Variants in RORA observed in about 807,000 individuals in gnomAD.
The protein encoded by RORA is nuclear receptor ROR-alpha.
Under a neutral mutation model 69.5 loss-of-function variants are expected in RORA, and 7 were observed. That is an observed-to-expected ratio of 0.10 (90% CI 0.06 to 0.19). The LOEUF is 0.19. Among genes scored for constraint, RORA ranks in the 10% least tolerant of loss-of-function variants. The pLI, the probability that RORA is intolerant of heterozygous loss-of-function variation, is 1.00. For missense variants in RORA, 457 were observed against 663.0 expected (o/e 0.69, Z 3.41); for synonymous variants, 261 against 240.8 (o/e 1.08, Z -0.78).
At chr15:60,769,347 G>A (rs2072038306) in intron 1 of RORA, among the ~76,000 whole-genome samples, 1 of 152,074 alleles carries the variant, frequency 6.6e-6, no homozygotes, top group South Asian at 2.1e-4. Flanking sequence ...TATTCACCAG[G>A]GTTAGGTGCT....
intron 7 of RORA, 86 bp downstream of exon 7, chr15:60,503,449 G>C (rs552620573): frequency 7.2e-7 from 1 of 1,395,686 alleles, no homozygotes; most frequent in Non-Finnish European, 9.9e-7. Flanking sequence ...AACTGTTCCC[G>C]ACACCTTCCT....
At chr15:60,811,407 C>T (rs1434593388) in intron 1 of RORA, among the ~76,000 whole-genome samples, 2 of 152,202 alleles carry the variant, frequency 1.3e-5, no homozygotes, top group African/African-American at 4.8e-5. Flanking sequence ...ATTCCATCTG[C>T]TTTCCAGCTC....
At chr15:61,162,994 C>T (rs888747330) in intron 1 of RORA, among the ~76,000 whole-genome samples, 1 of 152,110 alleles carries the variant, frequency 6.6e-6, no homozygotes, top group African/African-American at 2.4e-5. Context: ...GGTGCAAGGA[C>T]CTGATTTATG....
Position 60,634,448 on chromosome 15 carries a change from A to G in RORA, c.196+44209T>C, listed in dbSNP as rs939006483. On this transcript the variant is annotated intron_variant, in intron 2 of 10. Transcript: ENST00000335670. ...TGAGCCAGAGTCTCGCTCTGTTGCC[A>G]GGCTGGAGCACTGAGACACAATCTC... Among the ~76,000 whole-genome samples the G allele has an allele frequency of 2.0e-5, 3 of 148,512 alleles. No homozygotes were observed. In the Admixed American group the frequency reaches 2.0e-4, roughly 10 times the overall value.
intron 1 of RORA, among the ~76,000 whole-genome samples, chr15:61,127,722 C>T (rs573164550): frequency 6.6e-6 from 1 of 152,246 alleles, no homozygotes; most frequent in South Asian, 2.1e-4. Context: ...AGAACTCAGG[C>T]TTCCAATATT....
chr15:60,909,078 A>G (rs1891626742), intron 1 of RORA, among the ~76,000 whole-genome samples: 1 of 152,156 alleles, frequency 6.6e-6, no homozygotes, highest in South Asian at 2.1e-4. Flanking sequence ...TGTCCTGGAA[A>G]GCCACCTGAA....
chr15:60,829,782 T>C (rs980018823), intron 1 of RORA, among the ~76,000 whole-genome samples: 2 of 152,224 alleles, frequency 1.3e-5, no homozygotes, highest in African/African-American at 2.4e-5. Flanking sequence ...TGGCTTCCGT[T>C]CATTGGTAAA....
intron 1 of RORA, among the ~76,000 whole-genome samples, chr15:61,104,223 T>A (rs957453386): frequency 1.3e-5 from 2 of 152,200 alleles, no homozygotes; most frequent in Non-Finnish European, 2.9e-5. Flanking sequence ...TCAAAGCACC[T>A]TCACGCTATG....
intron 2 of RORA, among the ~76,000 whole-genome samples, chr15:60,559,731 C>T (rs538672876): frequency 4.6e-5 from 7 of 152,330 alleles, no homozygotes; most frequent in East Asian, 3.9e-4. Context: ...ATTTGCATTA[C>T]GGCTTGATAA....
chr15:61,076,117 G>A lies in RORA; in HGVS notation c.166+152936C>T, dbSNP rs74020838. On this transcript the variant is annotated intron_variant, in intron 1 of 10. Coordinates refer to ENST00000335670, the MANE Select transcript of RORA (RefSeq NM_134261.3). ...TGTGGAGGGGTTCAAGGACCTGCAG[G>A]GATGCAGACCCGTGATTCTCTGACA... 3.0e-3 allele frequency among the ~76,000 whole-genome samples: 456 copies of A among 152,286 alleles called. 2 individuals are homozygous for A. Among genetic ancestry groups the A allele is most frequent in the African/African-American group, 0.01 (433 of 41,574 alleles).
At chr15:60,611,589 A>AAAAAAAAAAAAAAAAAAAAAAGG (rs2069091475) in intron 2 of RORA, among the ~76,000 whole-genome samples, 1 of 146,392 alleles carries the variant, frequency 6.8e-6, no homozygotes, top group Non-Finnish European at 1.5e-5. Context: ...AAAAAAAAAA[A>AAAAAAAAAAAAAAAAAAAAAAGG]GGTGGAGTCT....
chr15:60,811,765 T>A (rs562543114), intron 1 of RORA, among the ~76,000 whole-genome samples: 29 of 152,268 alleles, frequency 1.9e-4, no homozygotes, highest in African/African-American at 5.5e-4. Context: ...TCCTGCCCAA[T>A]GGATTTATAA....
rs773735927 is a variant in RORA, at chr15:60,497,477, G to T, written c.1550C>A (p.Pro517Gln). Residue 517 changes from proline to glutamine, a missense_variant, in exon 11 of 11, where the codon CCA (proline) becomes CAA (glutamine). Pro to Gln is a moderately conservative substitution (Grantham distance 76). Transcript: ENST00000335670. ...YKELFTSEFEPAMQIDG is the reference protein window; with the variant it reads ...YKELFTSEFEQAMQIDG Reference sequence around the variant, plus strand: ...CATTTACCCATCAATTTGCATTGCTGGCTCAAATTCTGAAGTGAACAACTC... The same window carrying T: ...CATTTACCCATCAATTTGCATTGCTTGCTCAAATTCTGAAGTGAACAACTC... 5 of 1,613,974 alleles carry T rather than the reference G, an allele frequency of 3.1e-6. No individual in the cohort carries two copies. Among genetic ancestry groups the T allele is most frequent in the Non-Finnish European group, 4.2e-6 (5 of 1,179,928 alleles).
chr15:60,614,895 T>C, intron 2 of RORA: 1 of 1,611,400 alleles, frequency 6.2e-7, no homozygotes, highest in Non-Finnish European at 8.5e-7. Context: ...ATAACGCACC[T>C]TTTCTCAATG....
chr15:60,839,167 C>T (rs1211140974), intron 1 of RORA, among the ~76,000 whole-genome samples: 2 of 151,950 alleles, frequency 1.3e-5, no homozygotes, highest in South Asian at 2.1e-4. Context: ...CAAAGTGCTG[C>T]GATTACAGGC....
intron 1 of RORA, among the ~76,000 whole-genome samples, chr15:60,702,287 G>A (rs543619152): frequency 6.6e-6 from 1 of 152,210 alleles, no homozygotes; most frequent in African/African-American, 2.4e-5. Context: ...GTGCAGTGGT[G>A]CGATCTAGGC....
chr15:60,512,271 CTTTATT>C (rs2065725867), intron 4 of RORA, among the ~76,000 whole-genome samples: 2 of 152,054 alleles, frequency 1.3e-5, no homozygotes, highest in African/African-American at 4.8e-5. Flanking sequence ...TGAGACCCAT[CTTTATT>C]TTTATTTATT....
chr15:60,950,476 T>G (rs1305804808), intron 1 of RORA, among the ~76,000 whole-genome samples: 2 of 112,984 alleles, frequency 1.8e-5, no homozygotes, highest in Non-Finnish European at 3.6e-5. Flanking sequence ...ATGTTCCAAT[T>G]AAAAGACACA....
intron 2 of RORA, 70 bp downstream of exon 2, chr15:60,678,587 A>G: frequency 8.6e-7 from 1 of 1,162,480 alleles, no homozygotes; most frequent in South Asian, 1.2e-5. Context: ...TTGAAGGGTC[A>G]CAGCAGCCAG....
Sources: allele counts gnomAD v4.1 joint callset (sites outside exome capture counted in the v4.1 genomes callset), GRCh38; gene constraint gnomAD v4.1.1; transcripts MANE v1.5; gene names NCBI Gene and HGNC (gene_info 2026-07-23, HGNC 2026-07-21).